Variants in TBC1D9B observed in about 807,000 individuals in gnomAD.
TBC1D9B encodes the protein TBC1 domain family, member 9B (with GRAM domain).
In TBC1D9B, 87 loss-of-function variants were observed where a neutral mutation model predicts 121.1. The observed-to-expected ratio is 0.72, with a 90% CI of 0.60 to 0.86. The LOEUF is 0.86. Ranked by LOEUF, TBC1D9B falls within the 40% of genes least tolerant of loss-of-function variation. The pLI is 0.00. For missense variants in TBC1D9B, 1,540 were observed against 1,628.6 expected, an observed-to-expected ratio of 0.95 and a Z score of 0.94; for synonymous variants, 668 against 670.1, an observed-to-expected ratio of 1.00 and a Z score of 0.05.
Position 179,888,148 on chromosome 5 carries a change from G to A in TBC1D9B, c.1209C>T (p.Gly403=). The A allele has an allele frequency of 6.2e-7, 1 of 1,613,848 alleles. No individual in the cohort carries two copies. The highest frequency in any genetic ancestry group is 1.7e-5 in the Admixed American group (1 of 59,958). The stretch of plus-strand genomic sequence containing the variant: ...CACTGGCTTTCCTGCTCCCGATACT[G>A]CCTGGCTGCTTGGATGGTGTTTTCT... ...FLQKTPSKQP[G]SIGSRKASVV... The change falls in exon 7 of 21, where the codon GGC becomes GGT. Residue 403 remains glycine (G), a synonymous_variant. Coordinates refer to ENST00000355235, the MANE Select transcript of TBC1D9B (RefSeq NM_015043.4).
At position 179,865,555 on chromosome 5, in the gene TBC1D9B, G is replaced by C. The variant is rs1582071640; in HGVS notation, c.2915-195C>G. ...AGGTTTTCCCTAAATTGCTGCAGTG[G>C]TTGGACCTAAGCTGATGACAATGAT... On this transcript the variant is annotated intron_variant, in intron 19 of 20. Transcript: ENST00000355235. This position sits in a 1 kb window ranked among gnomAD's most constrained non-coding sequence, Gnocchi z 5.1. 3.2e-6 allele frequency: 2 copies of C among 633,942 alleles called. No homozygotes were observed. The highest frequency in any genetic ancestry group is 2.7e-5 in the East Asian group (1 of 36,750). 39.3% of individuals were successfully genotyped at this position (633,942 alleles called of 1,614,324 possible). A position where few individuals can be genotyped will look rare whatever the true frequency, so the allele number is the denominator to read the frequency against.
Position 179,865,420 on chromosome 5 carries a change from C to T in TBC1D9B, c.2915-60G>A. The T allele has an allele frequency of 6.6e-7, 1 of 1,504,478 alleles. No individual in the cohort carries two copies. The highest frequency in any genetic ancestry group is 9.2e-7 in the Non-Finnish European group (1 of 1,081,388). 93.2% of individuals were successfully genotyped at this position (1,504,478 alleles called of 1,614,324 possible). A position where few individuals can be genotyped will look rare whatever the true frequency, so the allele number is the denominator to read the frequency against. On this transcript the variant is annotated intron_variant, in intron 19 of 20. Transcript: ENST00000355235. This position sits in a 1 kb window ranked among gnomAD's most constrained non-coding sequence, Gnocchi z 5.1. The stretch of plus-strand genomic sequence containing the variant: ...ATGTGAGACGGCTGCGGGCTGACAG[C>T]AGGGAGAGGAAGAGTTGGGTGTTTT...
Position 179,888,217 on chromosome 5 carries a change from C to T in TBC1D9B, c.1140G>A (p.Leu380=). 4.3e-6 allele frequency: 7 copies of T among 1,612,492 alleles called. No homozygotes were observed. Among genetic ancestry groups the T allele is most frequent in the East Asian group, 2.2e-5 (1 of 44,832 alleles). The change falls in exon 7 of 21, where the codon CTG becomes CTA. Residue 380 remains leucine, a synonymous_variant. Coordinates refer to ENST00000355235, the MANE Select transcript of TBC1D9B (RefSeq NM_015043.4). ...KSKMTFLFAN[L]KDRDFLVQRI... is the part of the protein sequence containing the mutation. ...TCTGCACCAAGAAATCACGGTCTTT[C>T]AGGTTGGCAAACAGGAATGTCATTT...
Position 179,878,411 on chromosome 5 carries a change from G to T in TBC1D9B, c.1680C>A (p.Ser560=). ...TEEIERDLHR[S]MPEHPAFQNE... is the part of the protein sequence containing the mutation. ...TCTGGAAGGCAGGGTGCTCGGGCAT[G>T]GAGCGGTGCAGGTCTCGCTCGATCT... The change falls in exon 10 of 21, where the codon TCC becomes TCA. Residue 560 remains serine (S), a synonymous_variant. Coordinates refer to ENST00000355235, the MANE Select transcript of TBC1D9B (RefSeq NM_015043.4). The T allele has an allele frequency of 6.2e-7, 1 of 1,613,690 alleles. No homozygotes were observed. The highest frequency in any genetic ancestry group is 8.5e-7 in the Non-Finnish European group (1 of 1,179,894).
chr5:179,872,792 G>T lies in TBC1D9B; in HGVS notation c.2415+100C>A, dbSNP rs269468. The T allele has an allele frequency of 5.3e-3, 6,029 of 1,139,250 alleles. 232 individuals are homozygous for T. The African/African-American group carries it at 0.081, about 15-fold the overall frequency. The allele number at this position is 1,139,250 out of a possible 1,614,324, so 70.6% of individuals were successfully genotyped here. On this transcript the variant is annotated intron_variant, in intron 14 of 20. Coordinates refer to ENST00000355235, the MANE Select transcript of TBC1D9B (RefSeq NM_015043.4). The stretch of plus-strand genomic sequence containing the variant: ...TGATGTACATACCAAAGCAGTGTAG[G>T]AGACTGGGTGCGGTGGAGCCCTGTA...
At position 179,862,099 on chromosome 5, in the gene TBC1D9B, T is replaced by G. The variant is rs1257821137; in HGVS notation, c.*1349A>C. On this transcript the variant is annotated 3_prime_UTR_variant, in exon 21 of 21. Coordinates refer to ENST00000355235, the MANE Select transcript of TBC1D9B (RefSeq NM_015043.4). ...CAGTATAACCGTTACATTTTATTAT[T>G]AGTTATTGTTGTCAATCTCTTAAGG... 1 of 164,024 alleles carries G rather than the reference T, an allele frequency of 6.1e-6. No individual in the cohort carries two copies. The highest frequency in any genetic ancestry group is 1.4e-5 in the Non-Finnish European group (1 of 74,038). 10.2% of individuals were successfully genotyped at this position (164,024 alleles called of 1,614,324 possible). A position where few individuals can be genotyped will look rare whatever the true frequency, so the allele number is the denominator to read the frequency against.
At chr5:179,882,027 C>T (rs1371105402) in intron 7 of TBC1D9B, among the ~76,000 whole-genome samples, 2 of 150,070 alleles carry the variant, frequency 1.3e-5, no homozygotes, top group African/African-American at 5.0e-5. Flanking sequence ...TCACTGCAAC[C>T]TCTGCCTCCT....
rs1760435478 is a variant in TBC1D9B, at chr5:179,878,664, C to T, written c.1568-141G>A. 1.8e-5 allele frequency: 15 copies of T among 839,384 alleles called. No individual in the cohort carries two copies. In the Admixed American group the frequency reaches 2.6e-4, roughly 15 times the overall value. The allele number at this position is 839,384 out of a possible 1,614,324, so 52.0% of individuals were successfully genotyped here. A position where few individuals can be genotyped will look rare whatever the true frequency, so the allele number is the denominator to read the frequency against. ...AGCACAAGCTGCGAGGCAAGGTTTC[C>T]CTTGTGCTCCTGGGGAGGGTGCTCT... On this transcript the variant is annotated intron_variant, in intron 9 of 20. Transcript: ENST00000355235.
chr5:179,866,390 G>A lies in TBC1D9B; in HGVS notation c.2864-502C>T, dbSNP rs371501008. ...GGAGGACATTTGCCGGAACTGGCGC[G>A]CACTATACTCCCTGCGTGGGAACAT... On this transcript the variant is annotated intron_variant, in intron 18 of 20. Coordinates refer to ENST00000355235, the MANE Select transcript of TBC1D9B (RefSeq NM_015043.4). 8.2e-4 allele frequency: 127 copies of A among 154,912 alleles called. 2 individuals carry two copies. In the South Asian group the frequency reaches 0.013, roughly 16 times the overall value. The allele number at this position is 154,912 out of a possible 1,614,324, so 9.6% of individuals were successfully genotyped here. A position where few individuals can be genotyped will look rare whatever the true frequency, so the allele number is the denominator to read the frequency against.
At chr5:179,867,429 C>A in intron 18 of TBC1D9B, 1 of 1,551,134 alleles carries the variant, frequency 6.4e-7, no homozygotes, top group Non-Finnish European at 8.7e-7. Flanking sequence ...GGCGCCCCTG[C>A]CTTCCAGGGA....
chr5:179,863,328 G>T lies in TBC1D9B; in HGVS notation c.*120C>A. 2.5e-6 allele frequency: 3 copies of T among 1,177,224 alleles called. No individual in the cohort carries two copies. The highest frequency in any genetic ancestry group is 3.6e-6 in the Non-Finnish European group (3 of 843,282). The allele number at this position is 1,177,224 out of a possible 1,614,324, so 72.9% of individuals were successfully genotyped here. On this transcript the variant is annotated 3_prime_UTR_variant, in exon 21 of 21. Coordinates refer to ENST00000355235, the MANE Select transcript of TBC1D9B (RefSeq NM_015043.4). The surrounding 1 kb of genome is among the most constrained non-coding windows in gnomAD (Gnocchi z 4.5). Reference sequence around the variant, plus strand: ...GCCTTCTTTCCACTCACAACTCACTGCTCCTGGGAGAGCAGGAGGGGCACA... The same window carrying T: ...GCCTTCTTTCCACTCACAACTCACTTCTCCTGGGAGAGCAGGAGGGGCACA...
At position 179,891,910 on chromosome 5, in the gene TBC1D9B, G is replaced by A. The variant is rs1030185108; in HGVS notation, c.837-324C>T. 6.6e-6 allele frequency among the ~76,000 whole-genome samples: 1 copy of A among 152,196 alleles called. No individual in the cohort carries two copies. The highest frequency in any genetic ancestry group is 6.5e-5 in the Admixed American group (1 of 15,284). ...ATCCCTCGGTACTGATGGGCAAGCA[G>A]AGCCCAGAGCACCTGCCCTGGATCC... is the stretch of plus-strand genomic sequence containing the variant. On this transcript the variant is annotated intron_variant, in intron 5 of 20. Coordinates refer to ENST00000355235, the MANE Select transcript of TBC1D9B (RefSeq NM_015043.4). The surrounding 1 kb of genome is among the most constrained non-coding windows in gnomAD (Gnocchi z 4.3).
chr5:179,869,594 TCAGA>T, intron 17 of TBC1D9B, 171 bp downstream of exon 17: 2 of 739,172 alleles, frequency 2.7e-6, no homozygotes, highest in Non-Finnish European at 4.8e-6. Context: ...GGCCCTGCTC[TCAGA>T]CCTCTGTGAA....
rs185327881 is a variant in TBC1D9B at position 179,865,727 on chromosome 5, C to T, written c.2914+111G>A. ...CTGCTCCCTGATCGGGGGACGCATC[C>T]GCCATCTCCCGGGGTAGGGGGCTCC... On this transcript the variant is annotated intron_variant, in intron 19 of 20. Transcript: ENST00000355235. The surrounding 1 kb of genome is among the most constrained non-coding windows in gnomAD (Gnocchi z 5.1). The T allele has an allele frequency of 1.5e-5, 19 of 1,236,354 alleles. No individual in the cohort carries two copies. Among genetic ancestry groups the T allele is most frequent in the East Asian group, 4.7e-5 (2 of 42,712 alleles). The allele number at this position is 1,236,354 out of a possible 1,614,324, so 76.6% of individuals were successfully genotyped here.
chr5:179,871,597 T>C, intron 14 of TBC1D9B, 67 bp from the exon 15 acceptor site: 2 of 1,541,050 alleles, frequency 1.3e-6, no homozygotes, highest in South Asian at 1.1e-5. Context: ...TACGGCACTC[T>C]GTGAGAGCAT....
chr5:179,899,136 G>C lies in TBC1D9B; in HGVS notation c.348+53C>G, dbSNP rs906487347. On this transcript the variant is annotated intron_variant, in intron 3 of 20. Coordinates refer to ENST00000355235, the MANE Select transcript of TBC1D9B (RefSeq NM_015043.4). Reference sequence around the variant, plus strand: ...GAAGATGAAATAGGATAATACACGAGAACACTGCTGGCCAGGGAAGGGTGA... The same window carrying C: ...GAAGATGAAATAGGATAATACACGACAACACTGCTGGCCAGGGAAGGGTGA... 4.1e-6 allele frequency: 6 copies of C among 1,458,786 alleles called. No homozygotes were observed. In the African/African-American group the frequency reaches 5.6e-5, roughly 14 times the overall value. 90.4% of individuals were successfully genotyped at this position (1,458,786 alleles called of 1,614,324 possible).
In TBC1D9B at chr5:179,904,759, G is replaced by A; in HGVS notation, c.172C>T (p.Pro58Ser). 6.3e-7 allele frequency: 1 copy of A among 1,579,104 alleles called. No homozygotes were observed. The highest frequency in any genetic ancestry group is 2.3e-5 in the East Asian group (1 of 43,272). The change falls in exon 2 of 21, where the codon CCT (proline) becomes TCT (serine). Residue 58 changes from proline to serine, a missense_variant. Transcript: ENST00000355235. The surrounding 1 kb of genome is among the most constrained non-coding windows in gnomAD (Gnocchi z 4.2). ...TGGGTCTGGTGCAGGATGCGGTAAG[G>A]GGCCACGCGGGCACTGGAGTCCAGC... ...VVLDSSARVA[P>S]YRILHQTQDS... is the part of the protein sequence containing the mutation.
intron 17 of TBC1D9B, chr5:179,869,192 G>C (rs548108784): frequency 4.6e-6 from 1 of 215,054 alleles, no homozygotes; most frequent in East Asian, 1.3e-4. Flanking sequence ...CCCAGCCCAG[G>C]ATTTCCACCT....
chr5:179,890,421 T>G lies in TBC1D9B; in HGVS notation c.1044+958A>C, dbSNP rs1232738775. 6.6e-6 allele frequency among the ~76,000 whole-genome samples: 1 copy of G among 152,172 alleles called. No individual in the cohort carries two copies. The highest frequency in any genetic ancestry group is 2.4e-5 in the African/African-American group (1 of 41,452). On this transcript the variant is annotated intron_variant, in intron 6 of 20. Coordinates refer to ENST00000355235, the MANE Select transcript of TBC1D9B (RefSeq NM_015043.4). The surrounding 1 kb of genome is among the most constrained non-coding windows in gnomAD (Gnocchi z 5.0). ...CCCCTAGGCCTGGGGGACAGGTCAG[T>G]ACAGTGCCCCGGACAGATCCACAGG... is the stretch of plus-strand genomic sequence containing the variant.
Sources: gnomAD v4.1 joint callset for allele counts (sites outside exome capture counted in the v4.1 genomes callset) on GRCh38, gnomAD v4.1.1 for gene constraint, Gnocchi (gnomAD v3.1) non-coding constraint, MANE v1.5 for transcripts, NCBI Gene and HGNC (gene_info 2026-07-23, HGNC 2026-07-21) for gene names.